The following KCNMA1 variants were observed in gnomAD, a reference collection of about 807,000 sequenced individuals.
KCNMA1 encodes the protein potassium calcium-activated channel subfamily M alpha 1, also known as Calcium-activated potassium channel subunit alpha-1.
Under a neutral mutation model 140.0 loss-of-function variants are expected in KCNMA1, and 29 were observed. The observed-to-expected ratio is 0.21, with a 90% CI of 0.15 to 0.28. The LOEUF (loss-of-function observed/expected upper bound fraction) is 0.28, where lower values mean the gene tolerates loss of function less well. KCNMA1 is among the 10% of genes least tolerant of loss of function. KCNMA1 has a pLI of 1.00. For synonymous variants in KCNMA1, 612 were observed against 611.9 expected (o/e 1.00, Z 0.00); for missense variants, 880 against 1,602.2 (o/e 0.55, Z 7.70).
At chr10:76,900,955 G>C (rs1022978557) in intron 25 of KCNMA1, among the ~76,000 whole-genome samples, 1 of 148,694 alleles carries the variant, frequency 6.7e-6, no homozygotes, top group South Asian at 2.1e-4. Flanking sequence ...CTTGTTCAAA[G>C]ATTTATGTAC....
intron 2 of KCNMA1, among the ~76,000 whole-genome samples, chr10:77,333,073 A>G (rs1308547416): frequency 6.6e-6 from 1 of 152,192 alleles, no homozygotes; most frequent in East Asian, 1.9e-4. Context: ...TTGGAGCTCC[A>G]GAATGGCCTC....
chr10:77,188,106 G>A (rs948341000), intron 3 of KCNMA1, among the ~76,000 whole-genome samples: 1 of 152,200 alleles, frequency 6.6e-6, no homozygotes, highest in Non-Finnish European at 1.5e-5. Context: ...TGTAAAGTAG[G>A]AGGAGTTTCC....
intron 1 of KCNMA1, among the ~76,000 whole-genome samples, chr10:77,461,152 G>T (rs1025693454): frequency 6.6e-6 from 1 of 151,440 alleles, no homozygotes; most frequent in African/African-American, 2.4e-5. Context: ...CACTATTTGG[G>T]TGATGGGTGC....
intron 27 of KCNMA1, among the ~76,000 whole-genome samples, chr10:76,888,695 A>G (rs1204696014): frequency 2.6e-5 from 4 of 152,264 alleles, no homozygotes; most frequent in Non-Finnish European, 5.9e-5. Context: ...AAAAATAAAT[A>G]TATAAAAGTT....
intron 23 of KCNMA1, among the ~76,000 whole-genome samples, chr10:76,929,266 A>G (rs1370034680): frequency 1.3e-5 from 2 of 152,132 alleles, no homozygotes; most frequent in African/African-American, 4.8e-5. Flanking sequence ...CCCTGATGTT[A>G]TTATTATTTA....
chr10:77,337,953 G>T (rs2089727495), intron 2 of KCNMA1, among the ~76,000 whole-genome samples: 1 of 152,136 alleles, frequency 6.6e-6, no homozygotes, highest in African/African-American at 2.4e-5. Flanking sequence ...CAGAAGCAGG[G>T]GTTTCAGTAC....
intron 1 of KCNMA1, among the ~76,000 whole-genome samples, chr10:77,598,106 G>A (rs552253931): frequency 2.6e-5 from 4 of 152,150 alleles, no homozygotes; most frequent in African/African-American, 9.6e-5. Context: ...CCAGTAGCTG[G>A]ATTACAGGTG....
At chr10:77,471,043 C>G (rs2098136479) in intron 1 of KCNMA1, among the ~76,000 whole-genome samples, 1 of 151,890 alleles carries the variant, frequency 6.6e-6, no homozygotes, top group South Asian at 2.1e-4. Context: ...ACACACTGCA[C>G]ACCACATACA....
intron 5 of KCNMA1, among the ~76,000 whole-genome samples, chr10:77,133,452 C>T (rs2097907668): frequency 6.6e-6 from 1 of 151,702 alleles, no homozygotes; most frequent in Non-Finnish European, 1.5e-5. Flanking sequence ...AATTATGTGC[C>T]TGGCAAATGC....
chr10:77,211,544 G>A (rs1202071401), intron 3 of KCNMA1, among the ~76,000 whole-genome samples: 1 of 152,036 alleles, frequency 6.6e-6, no homozygotes, highest in Non-Finnish European at 1.5e-5. Context: ...ATCAGCCTTG[G>A]CAAAGAATTT....
In KCNMA1 at chr10:77,255,817, G is replaced by A. The variant is rs538725533; in HGVS notation, c.541-4561C>T. On this transcript the variant is annotated intron_variant, in intron 2 of 27. Coordinates refer to ENST00000286628, the MANE Select transcript of KCNMA1 (RefSeq NM_001161352.2). ...ATTCCCAGCTACTCAGGAGGATGAGGCAGAAGAATCTCTTGAACTTGGGAG... is the reference window on the plus strand; with the variant it reads ...ATTCCCAGCTACTCAGGAGGATGAGACAGAAGAATCTCTTGAACTTGGGAG... Among the ~76,000 whole-genome samples the A allele has an allele frequency of 2.7e-5, 4 of 150,864 alleles. No individual in the cohort carries two copies. The South Asian group carries it at 8.4e-4, about 32-fold the overall frequency.
chr10:77,345,332 C>T (rs984142393), intron 2 of KCNMA1, among the ~76,000 whole-genome samples: 6 of 152,192 alleles, frequency 3.9e-5, no homozygotes, highest in Admixed American at 6.5e-5. Context: ...AAGCCTGGTA[C>T]TTAGAACTGC....
At chr10:76,888,691 A>G (rs1337922014) in intron 27 of KCNMA1, among the ~76,000 whole-genome samples, 1 of 152,246 alleles carries the variant, frequency 6.6e-6, no homozygotes, top group Non-Finnish European at 1.5e-5. Context: ...TCTCAAAAAT[A>G]AATATATAAA....
At position 76,885,127 on chromosome 10, in the gene KCNMA1, C is replaced by A; in HGVS notation, c.*2139G>T. On this transcript the variant is annotated 3_prime_UTR_variant, in exon 28 of 28. Coordinates refer to ENST00000286628, the MANE Select transcript of KCNMA1 (RefSeq NM_001161352.2). ...CTTATAGTTATAAATGTTCTGAGGG[C>A]GTAACTTTATAACCTCCTTTGCAAA... The A allele has an allele frequency of 2.1e-6, 3 of 1,453,982 alleles. No homozygotes were observed. The highest frequency in any genetic ancestry group is 1.5e-5 in the South Asian group (1 of 65,782). The allele number at this position is 1,453,982 out of a possible 1,614,324, so 90.1% of individuals were successfully genotyped here. A position where few individuals can be genotyped will look rare whatever the true frequency, so the allele number is the denominator to read the frequency against.
chr10:77,127,118 A>G (rs2097760341), intron 5 of KCNMA1, among the ~76,000 whole-genome samples: 1 of 127,038 alleles, frequency 7.9e-6, no homozygotes, highest in South Asian at 2.5e-4. Flanking sequence ...ACACACACAC[A>G]CAGAGTACAT....
At chr10:76,994,925 G>A (rs1264883140) in intron 19 of KCNMA1, among the ~76,000 whole-genome samples, 2 of 152,206 alleles carry the variant, frequency 1.3e-5, no homozygotes, top group Non-Finnish European at 2.9e-5. Flanking sequence ...AGGTGCTGCA[G>A]ACCCACTGTC....
chr10:77,447,591 A>T (rs145145421), intron 1 of KCNMA1, among the ~76,000 whole-genome samples: 1 of 152,332 alleles, frequency 6.6e-6, no homozygotes, highest in Non-Finnish European at 1.5e-5. Flanking sequence ...CAATGAAATA[A>T]ATATGCCATC....
chr10:77,106,142 A>T (rs1467204100), intron 9 of KCNMA1, among the ~76,000 whole-genome samples: 1 of 152,220 alleles, frequency 6.6e-6, no homozygotes, highest in Non-Finnish European at 1.5e-5. Flanking sequence ...GAAACAATGC[A>T]TAAAGTAGTG....
intron 25 of KCNMA1, among the ~76,000 whole-genome samples, chr10:76,897,481 A>G (rs79932436): frequency 0.046 from 6,952 of 152,170 alleles, 515 homozygotes; most frequent in African/African-American, 0.16. Context: ...GACAGGACAC[A>G]TTTGTTCCAA....
Sources: gnomAD v4.1 joint callset for allele counts (sites outside exome capture counted in the v4.1 genomes callset) on GRCh38, gnomAD v4.1.1 for gene constraint, MANE v1.5 for transcripts, NCBI Gene and HGNC (gene_info 2026-07-23, HGNC 2026-07-21) for gene names.